The following SPAG16 variants were observed in gnomAD, a reference collection of about 807,000 sequenced individuals.
SPAG16 encodes sperm-associated antigen 16 protein.
A neutral mutation model predicts 80.4 loss-of-function variants in SPAG16; 86 were observed. The ratio of observed to expected loss-of-function variants is 1.07; its 90% CI spans 0.90 to 1.28. SPAG16 has a LOEUF of 1.28. Ranked by LOEUF, SPAG16 falls within the 50% of genes most tolerant of loss-of-function variation. The probability of loss-of-function intolerance (pLI) is 0.00; values close to 1 mark genes in which losing one functional copy is unlikely to be tolerated. For synonymous variants in SPAG16, 294 were observed against 265.9 expected (o/e 1.11, Z -1.03); for missense variants, 870 against 765.3 (o/e 1.14, Z -1.61).
At chr2:213,584,106 T>G (rs1184594475) in intron 10 of SPAG16, among the ~76,000 whole-genome samples, 1 of 152,242 alleles carries the variant, frequency 6.6e-6, no homozygotes, top group African/African-American at 2.4e-5. Flanking sequence ...TTATAAGCAC[T>G]CTACTGGATG....
At chr2:213,296,961 G>GCCGT in intron 2 of SPAG16, 1 of 815,812 alleles carries the variant, frequency 1.2e-6, no homozygotes, top group Admixed American at 4.2e-5. Context: ...CAAGAATGGT[G>GCCGT]ATATTTAGAT....
At chr2:213,564,233 T>TA (rs972656423) in intron 10 of SPAG16, among the ~76,000 whole-genome samples, 11 of 151,614 alleles carry the variant, frequency 7.3e-5, no homozygotes, top group South Asian at 2.1e-4. Flanking sequence ...ACTAGTAATT[T>TA]AAAAAAAACG....
chr2:214,135,037 G>A (rs924894186), intron 14 of SPAG16, among the ~76,000 whole-genome samples: 2 of 152,142 alleles, frequency 1.3e-5, no homozygotes, highest in East Asian at 3.8e-4. Context: ...TTTCCAGAAA[G>A]CTGTATTCAC....
At chr2:213,351,578 G>A (rs562156448) in intron 7 of SPAG16, among the ~76,000 whole-genome samples, 3 of 151,980 alleles carry the variant, frequency 2.0e-5, no homozygotes, top group African/African-American at 7.3e-5. Flanking sequence ...CCATTTATCA[G>A]TTTTTTTAGA....
Position 213,869,724 on chromosome 2 carries a change from T to G in SPAG16, c.1214+7096T>G, listed in dbSNP as rs142792457. Among the ~76,000 whole-genome samples the G allele has an allele frequency of 5.6e-3, 854 of 151,622 alleles. 8 individuals are homozygous for G. The highest frequency in any genetic ancestry group is 0.02 in the African/African-American group (816 of 41,466). On this transcript the variant is annotated intron_variant, in intron 11 of 15. Coordinates refer to ENST00000331683, the MANE Select transcript of SPAG16 (RefSeq NM_024532.5). ...AAAGTGTTAAAAAGAAAATAAATAT[T>G]TCTCACAGTCCTACAACTCAATGAA...
chr2:214,352,558 C>G (rs62198192), intron 15 of SPAG16, among the ~76,000 whole-genome samples: 66,104 of 142,504 alleles, frequency 0.46, 15,477 homozygotes, highest in South Asian at 0.63. Context: ...CTTTTTTTCT[C>G]TGTGTGTGTG....
At chr2:214,349,349 C>A (rs936120635) in intron 15 of SPAG16, among the ~76,000 whole-genome samples, 2 of 152,192 alleles carry the variant, frequency 1.3e-5, no homozygotes, top group Admixed American at 6.5e-5. Context: ...TGCAGTCATA[C>A]AATATGTAAT....
At chr2:213,437,039 G>A (rs1323516516) in intron 9 of SPAG16, among the ~76,000 whole-genome samples, 1 of 151,914 alleles carries the variant, frequency 6.6e-6, no homozygotes, top group East Asian at 1.9e-4. Context: ...AGCCTCCCAA[G>A]TAGCTGGGAT....
chr2:213,643,211 T>C (rs1014768739), intron 10 of SPAG16, among the ~76,000 whole-genome samples: 1 of 150,910 alleles, frequency 6.6e-6, no homozygotes, highest in Non-Finnish European at 1.5e-5. Context: ...CTGGATATGC[T>C]ATTCTAGGGT....
intron 15 of SPAG16, among the ~76,000 whole-genome samples, chr2:214,217,216 G>T (rs1031315978): frequency 6.6e-6 from 1 of 152,238 alleles, no homozygotes; most frequent in Admixed American, 6.5e-5. Context: ...GGTAAAGCAT[G>T]CAATGCTTAG....
intron 7 of SPAG16, among the ~76,000 whole-genome samples, chr2:213,361,390 A>G (rs879446809): frequency 1.3e-5 from 2 of 149,738 alleles, no homozygotes; most frequent in Admixed American, 1.3e-4. Flanking sequence ...ATATATATAT[A>G]TATGTATACT....
intron 13 of SPAG16, among the ~76,000 whole-genome samples, chr2:214,039,043 T>C (rs1349289938): frequency 6.6e-6 from 1 of 151,970 alleles, no homozygotes; most frequent in African/African-American, 2.4e-5. Context: ...TTTATAATCC[T>C]TTGGGTATAT....
At chr2:213,603,925 GTTT>G (rs111445953) in intron 10 of SPAG16, among the ~76,000 whole-genome samples, 1 of 140,366 alleles carries the variant, frequency 7.1e-6, no homozygotes, top group Admixed American at 7.2e-5. Flanking sequence ...AGACTTCCTG[GTTT>G]TTTTTTTTTT....
rs542265091 is a variant in SPAG16, at chr2:213,369,166, G to T, written c.832+5021G>T. Reference sequence around the variant, plus strand: ...AAAATGTAGACATTTTAAGATGCAGGCAAGCTCGGAGATTTTTTGCAAGCC... The same window carrying T: ...AAAATGTAGACATTTTAAGATGCAGTCAAGCTCGGAGATTTTTTGCAAGCC... On this transcript the variant is annotated intron_variant, in intron 8 of 15. Transcript: ENST00000331683. Among the ~76,000 whole-genome samples the T allele has an allele frequency of 3.8e-3, 574 of 152,196 alleles. 2 individuals are homozygous for T. Among genetic ancestry groups the T allele is most frequent in the Non-Finnish European group, 6.2e-3 (422 of 68,006 alleles).
intron 10 of SPAG16, among the ~76,000 whole-genome samples, chr2:213,736,965 C>A (rs945444182): frequency 1.3e-5 from 2 of 152,182 alleles, no homozygotes; most frequent in African/African-American, 4.8e-5. Flanking sequence ...CTCGGCCCCC[C>A]AAAGTGATGG....
intron 13 of SPAG16, among the ~76,000 whole-genome samples, chr2:214,076,990 G>A (rs897911568): frequency 3.3e-5 from 5 of 152,194 alleles, no homozygotes; most frequent in South Asian, 2.1e-4. Flanking sequence ...AACCCAGGCC[G>A]CCTGGAGGAG....
At chr2:213,992,759 A>G (rs2046347023) in intron 12 of SPAG16, among the ~76,000 whole-genome samples, 1 of 152,210 alleles carries the variant, frequency 6.6e-6, no homozygotes, top group Non-Finnish European at 1.5e-5. Context: ...ACACACTTAT[A>G]TGCATCAGTC....
chr2:214,114,339 G>A (rs2053825730), intron 14 of SPAG16, among the ~76,000 whole-genome samples: 1 of 152,220 alleles, frequency 6.6e-6, no homozygotes, highest in South Asian at 2.1e-4. Context: ...ATGCTGTGCT[G>A]GGACAACGCA....
chr2:213,809,760 T>A (rs2072013299), intron 10 of SPAG16, among the ~76,000 whole-genome samples: 1 of 152,180 alleles, frequency 6.6e-6, no homozygotes, highest in Non-Finnish European at 1.5e-5. Flanking sequence ...GGGGGAGACA[T>A]GGTTTATCAA....
Sources: allele counts gnomAD v4.1 joint callset (sites outside exome capture counted in the v4.1 genomes callset), GRCh38; gene constraint gnomAD v4.1.1; transcripts MANE v1.5; gene names NCBI Gene and HGNC (gene_info 2026-07-23, HGNC 2026-07-21).